Variants in LPGAT1 observed in about 807,000 individuals in gnomAD.
LPGAT1 encodes the protein acyl-CoA:lysophosphatidylglycerol acyltransferase 1.
Under a neutral mutation model 47.5 loss-of-function variants are expected in LPGAT1, and 11 were observed. The observed-to-expected ratio is 0.23, with a 90% CI of 0.15 to 0.38. The LOEUF is 0.38. Among genes scored for constraint, LPGAT1 ranks in the 10% least tolerant of loss-of-function variants. The pLI is 1.00. For missense variants in LPGAT1, 293 were observed against 439.0 expected (o/e 0.67, Z 2.97); for synonymous variants, 138 against 144.2 (o/e 0.96, Z 0.31).
intron 2 of LPGAT1, among the ~76,000 whole-genome samples, chr1:211,794,386 C>T (rs1659264079): frequency 6.6e-6 from 1 of 152,158 alleles, no homozygotes; most frequent in African/African-American, 2.4e-5. Flanking sequence ...ACTGCAGCTT[C>T]AAGCTCCCTG....
chr1:211,818,077 C>A (rs1253146518), intron 2 of LPGAT1, among the ~76,000 whole-genome samples: 1 of 152,062 alleles, frequency 6.6e-6, no homozygotes, highest in Admixed American at 6.5e-5. Context: ...TCAAGTGATC[C>A]ACCCGCCTTG....
chr1:211,760,314 G>A (rs1220341743), intron 6 of LPGAT1, among the ~76,000 whole-genome samples: 1 of 152,148 alleles, frequency 6.6e-6, no homozygotes, highest in Non-Finnish European at 1.5e-5. Flanking sequence ...AATTAGCCAG[G>A]CGTGGTGGCA....
At chr1:211,795,517 G>A (rs561838958) in intron 2 of LPGAT1, among the ~76,000 whole-genome samples, 30 of 152,144 alleles carry the variant, frequency 2.0e-4, no homozygotes, top group African/African-American at 5.8e-4. Flanking sequence ...ACAGGCATGC[G>A]CCACCACGCC....
intron 5 of LPGAT1, among the ~76,000 whole-genome samples, chr1:211,780,500 T>G (rs1461375434): frequency 6.6e-6 from 1 of 152,190 alleles, no homozygotes; most frequent in African/African-American, 2.4e-5. Flanking sequence ...AAAAGAGAAC[T>G]AATTTTCAAG....
chr1:211,819,980 G>A (rs868548218), intron 2 of LPGAT1, among the ~76,000 whole-genome samples: 4 of 151,290 alleles, frequency 2.6e-5, no homozygotes, highest in Non-Finnish European at 4.4e-5. Flanking sequence ...GTGAGACTCC[G>A]TCTCAAAAAA....
chr1:211,813,132 T>C (rs1470133114), intron 2 of LPGAT1, among the ~76,000 whole-genome samples: 2 of 152,196 alleles, frequency 1.3e-5, no homozygotes, highest in South Asian at 2.1e-4. Context: ...GCAAAACAAG[T>C]AGTTATTTGG....
rs1660637688 is a variant in LPGAT1, at chr1:211,829,189, G to A, written c.108C>T (p.Tyr36=). 6.2e-7 allele frequency: 1 copy of A among 1,614,044 alleles called. No individual in the cohort carries two copies. Among genetic ancestry groups the A allele is most frequent in the South Asian group, 1.1e-5 (1 of 91,086 alleles). The change falls in exon 2 of 8, where the codon TAC becomes TAT. Residue 36 remains tyrosine, a synonymous_variant. Transcript: ENST00000366997. ...VVNNLVAIPS[Y]ICYVIILQPL... is the part of the protein sequence containing the mutation. ...GCTGAAGTATAATTACATAGCAGAT[G>A]TAGGATGGAATAGCAACCAGGTTGT... is the stretch of plus-strand genomic sequence containing the variant.
In LPGAT1 at chr1:211,814,370, A is replaced by G. The variant is rs1269913117; in HGVS notation, c.238+14689T>C. On this transcript the variant is annotated intron_variant, in intron 2 of 7. Coordinates refer to ENST00000366997, the MANE Select transcript of LPGAT1 (RefSeq NM_014873.3). Reference sequence around the variant, plus strand: ...GTTAGACAGGCAGGTAGAAATTTTCAAAGAAACAAAGAACAGATTTTGGGG... The same window carrying G: ...GTTAGACAGGCAGGTAGAAATTTTCGAAGAAACAAAGAACAGATTTTGGGG... Among the ~76,000 whole-genome samples, 7 of 152,192 alleles carry G rather than the reference A, an allele frequency of 4.6e-5. No individual in the cohort carries two copies. The East Asian group carries it at 1.3e-3, about 29-fold the overall frequency.
At chr1:211,811,137 G>A (rs1659972083) in intron 2 of LPGAT1, among the ~76,000 whole-genome samples, 1 of 152,162 alleles carries the variant, frequency 6.6e-6, no homozygotes, top group Non-Finnish European at 1.5e-5. Flanking sequence ...AAAGTCAAGA[G>A]TTTTTATGAA....
rs182070581 is a variant in LPGAT1 at position 211,815,954 on chromosome 1, A to G, written c.238+13105T>C. 4.9e-4 allele frequency among the ~76,000 whole-genome samples: 74 copies of G among 150,016 alleles called. 1 individual carries two copies. In the East Asian group the frequency reaches 0.013, roughly 27 times the overall value. ...CCACCACGCCCGGCTAATTTTTTGTATTTTTTTTAGTAGAGACGGGGTTTC... is the reference window on the plus strand; with the variant it reads ...CCACCACGCCCGGCTAATTTTTTGTGTTTTTTTTAGTAGAGACGGGGTTTC... On this transcript the variant is annotated intron_variant, in intron 2 of 7. Coordinates refer to ENST00000366997, the MANE Select transcript of LPGAT1 (RefSeq NM_014873.3).
intron 2 of LPGAT1, among the ~76,000 whole-genome samples, chr1:211,804,136 A>G (rs1425276457): frequency 6.6e-6 from 1 of 152,116 alleles, no homozygotes; most frequent in Non-Finnish European, 1.5e-5. Context: ...GCAGTGGCAC[A>G]ATCAAAGCTC....
rs1253635770 is a variant in LPGAT1, at chr1:211,830,555, C to T, written c.-28+18G>A. On this transcript the variant is annotated intron_variant, in intron 1 of 7. Transcript: ENST00000366997. This position sits in a 1 kb window ranked among gnomAD's most constrained non-coding sequence, Gnocchi z 5.9. ...CCGCTGCCGCTCTGGGGCCTGCGAC[C>T]GCGGAGCCGGAGGTTACCTCGGGCT... 3 of 1,207,648 alleles carry T rather than the reference C, an allele frequency of 2.5e-6. No homozygotes were observed. The highest frequency in any genetic ancestry group is 3.2e-5 in the African/African-American group (2 of 63,248). 74.8% of individuals were successfully genotyped at this position (1,207,648 alleles called of 1,614,324 possible).
At chr1:211,819,053 T>G (rs546817355) in intron 2 of LPGAT1, among the ~76,000 whole-genome samples, 1 of 152,306 alleles carries the variant, frequency 6.6e-6, no homozygotes, top group Non-Finnish European at 1.5e-5. Flanking sequence ...TATAATTACA[T>G]AGTTAAACAA....
chr1:211,759,459 G>A (rs889750157), intron 6 of LPGAT1, among the ~76,000 whole-genome samples: 2 of 152,052 alleles, frequency 1.3e-5, no homozygotes, highest in Non-Finnish European at 2.9e-5. Flanking sequence ...GTAGTTAACA[G>A]TGTTTTCAAA....
At chr1:211,783,800 G>A (rs1051185625) in intron 4 of LPGAT1, among the ~76,000 whole-genome samples, 3 of 152,156 alleles carry the variant, frequency 2.0e-5, no homozygotes, top group African/African-American at 4.8e-5. Context: ...TATGTGCCAC[G>A]CATTGTCCTA....
At chr1:211,784,440 C>T (rs1206647839) in intron 4 of LPGAT1, among the ~76,000 whole-genome samples, 1 of 149,794 alleles carries the variant, frequency 6.7e-6, no homozygotes, top group Non-Finnish European at 1.5e-5. Context: ...GCAGTGAGCC[C>T]TGATGGTACT....
intron 5 of LPGAT1, among the ~76,000 whole-genome samples, chr1:211,782,880 A>T (rs1165800740): frequency 2.0e-5 from 3 of 152,236 alleles, no homozygotes; most frequent in Non-Finnish European, 4.4e-5. Context: ...CTATAGTTAT[A>T]TCTTTTAGCC....
intron 2 of LPGAT1, among the ~76,000 whole-genome samples, chr1:211,795,126 T>C (rs962371615): frequency 1.3e-5 from 2 of 152,190 alleles, no homozygotes; most frequent in African/African-American, 4.8e-5. Context: ...CACAACAATG[T>C]GAATATACTT....
intron 6 of LPGAT1, among the ~76,000 whole-genome samples, chr1:211,764,688 C>T (rs1657834356): frequency 6.6e-6 from 1 of 152,182 alleles, no homozygotes; most frequent in African/African-American, 2.4e-5. Context: ...AGAAATCACT[C>T]AGTTATCTGA....
Sources: allele counts gnomAD v4.1 joint callset (sites outside exome capture counted in the v4.1 genomes callset), GRCh38; gene constraint gnomAD v4.1.1; non-coding constraint Gnocchi (gnomAD v3.1); transcripts MANE v1.5; gene names NCBI Gene and HGNC (gene_info 2026-07-23, HGNC 2026-07-21).